The following CSMD1 variants were observed in gnomAD, a reference collection of about 807,000 sequenced individuals.
CSMD1 encodes CUB and sushi domain-containing protein 1.
CSMD1 carries 213 observed loss-of-function variants against 417.5 expected under a neutral mutation model. The observed-to-expected ratio is 0.51, with a 90% CI of 0.46 to 0.57. The LOEUF (loss-of-function observed/expected upper bound fraction) is 0.57, where lower values mean the gene tolerates loss of function less well. Among genes scored for constraint, CSMD1 ranks in the 20% least tolerant of loss-of-function variants. The pLI, the probability that CSMD1 is intolerant of heterozygous loss-of-function variation, is 0.00. For missense variants in CSMD1, 6,923 were observed against 4,529.7 expected (o/e 1.53, Z -15.17); for synonymous variants, 2,862 against 1,736.8 (o/e 1.65, Z -16.11).
intron 3 of CSMD1, among the ~76,000 whole-genome samples, chr8:4,181,130 G>A (rs924912825): frequency 1.3e-5 from 2 of 152,114 alleles, no homozygotes; most frequent in East Asian, 1.9e-4. Context: ...CAAGTGCTGC[G>A]AAACAGCCAT....
chr8:3,994,651 T>C (rs779698493), intron 5 of CSMD1, among the ~76,000 whole-genome samples: 1 of 152,064 alleles, frequency 6.6e-6, no homozygotes, highest in East Asian at 1.9e-4. Context: ...TCAACTAATG[T>C]ACCTATAGCC....
intron 5 of CSMD1, among the ~76,000 whole-genome samples, chr8:3,830,420 T>A (rs1227490351): frequency 1.3e-5 from 2 of 152,212 alleles, no homozygotes; most frequent in African/African-American, 4.8e-5. Flanking sequence ...ATACCCAGGT[T>A]CTAATTATAC....
At chr8:3,260,862 G>C (rs909426339) in intron 26 of CSMD1, among the ~76,000 whole-genome samples, 9 of 152,160 alleles carry the variant, frequency 5.9e-5, no homozygotes, top group Admixed American at 5.9e-4. Flanking sequence ...GGAAAGACAA[G>C]CTACAGACTG....
chr8:4,719,947 C>A (rs115781478), intron 1 of CSMD1, among the ~76,000 whole-genome samples: 2,902 of 152,112 alleles, frequency 0.019, 76 homozygotes, highest in African/African-American at 0.056. Flanking sequence ...CTAATGTCAC[C>A]TCACTTTAAA....
chr8:3,931,621 C>A (rs2688271), intron 5 of CSMD1, among the ~76,000 whole-genome samples: 52,964 of 149,012 alleles, frequency 0.36, 11,133 homozygotes, highest in African/African-American at 0.43. Context: ...GAGTTAGAGA[C>A]AGAGAAAAGT....
chr8:3,659,481 C>A (rs901359889), intron 7 of CSMD1, among the ~76,000 whole-genome samples: 3 of 152,118 alleles, frequency 2.0e-5, no homozygotes, highest in East Asian at 1.9e-4. Context: ...GAAGCAGATG[C>A]GTTTCACTTA....
chr8:4,080,347 G>C (rs1031962111), intron 3 of CSMD1, among the ~76,000 whole-genome samples: 4 of 151,086 alleles, frequency 2.6e-5, no homozygotes, highest in African/African-American at 9.8e-5. Context: ...ACAAGTGAAA[G>C]GTGAAGCAAA....
At chr8:4,442,646 G>C (rs1034486861) in intron 2 of CSMD1, among the ~76,000 whole-genome samples, 2 of 152,146 alleles carry the variant, frequency 1.3e-5, no homozygotes, top group Non-Finnish European at 2.9e-5. Flanking sequence ...GGATTCCAGA[G>C]TACTTTTAAA....
chr8:4,583,474 G>C (rs997487241), intron 2 of CSMD1, among the ~76,000 whole-genome samples: 1 of 152,086 alleles, frequency 6.6e-6, no homozygotes, highest in African/African-American at 2.4e-5. Flanking sequence ...TGGGGCCTTG[G>C]AGAACCTTTA....
chr8:3,542,462 G>T (rs937212490), intron 10 of CSMD1, among the ~76,000 whole-genome samples: 2 of 152,192 alleles, frequency 1.3e-5, no homozygotes, highest in Non-Finnish European at 2.9e-5. Flanking sequence ...GACAGTCTCT[G>T]ACCTTGCTTT....
At chr8:4,443,963 C>G (rs536777798) in intron 2 of CSMD1, among the ~76,000 whole-genome samples, 1 of 152,112 alleles carries the variant, frequency 6.6e-6, no homozygotes, top group South Asian at 2.1e-4. Context: ...GATATAATTA[C>G]CTGTGATATG....
intron 1 of CSMD1, among the ~76,000 whole-genome samples, chr8:4,670,433 G>T (rs1243053290): frequency 2.0e-5 from 3 of 152,260 alleles, no homozygotes; most frequent in Non-Finnish European, 4.4e-5. Context: ...GATAGTCAAG[G>T]AGCAAACATG....
chr8:4,000,225 C>G (rs57088860), intron 4 of CSMD1, among the ~76,000 whole-genome samples: 1,585 of 140,842 alleles, frequency 0.011, 33 homozygotes, highest in African/African-American at 0.04. Context: ...CCGAATGTCT[C>G]TCCTGCCCCC....
chr8:4,863,215 C>T, intron 1 of CSMD1, among the ~76,000 whole-genome samples: 1 of 152,020 alleles, frequency 6.6e-6, no homozygotes. Context: ...TATTCATCTC[C>T]AAAATGAGGA....
intron 6 of CSMD1, among the ~76,000 whole-genome samples, chr8:3,751,994 C>T (rs1797366084): frequency 6.6e-6 from 1 of 152,060 alleles, no homozygotes; most frequent in African/African-American, 2.4e-5. Context: ...TGGACATATC[C>T]ATAGATAAGG....
At chr8:3,243,143 G>A (rs34448252) in intron 26 of CSMD1, among the ~76,000 whole-genome samples, 11,078 of 152,180 alleles carry the variant, frequency 0.073, 547 homozygotes, top group Admixed American at 0.14. Flanking sequence ...TAGTGAGGGA[G>A]GTTGGAGAAG....
In CSMD1 at chr8:4,652,882, G is replaced by T. The variant is rs991949073; in HGVS notation, c.86-15324C>A. Among the ~76,000 whole-genome samples, 22 of 151,532 alleles carry T rather than the reference G, an allele frequency of 1.5e-4. 2 individuals carry two copies. Among genetic ancestry groups the T allele is most frequent in the Admixed American group, 1.4e-3 (22 of 15,270 alleles). On this transcript the variant is annotated intron_variant, in intron 1 of 69. Coordinates refer to ENST00000635120, the MANE Select transcript of CSMD1 (RefSeq NM_033225.6). Reference sequence around the variant, plus strand: ...CGTTCACAATAGGGTTCATGCTCCTGTAAGAATCTAACGCCGCTGCTGATG... The same window carrying T: ...CGTTCACAATAGGGTTCATGCTCCTTTAAGAATCTAACGCCGCTGCTGATG...
intron 50 of CSMD1, among the ~76,000 whole-genome samples, chr8:3,047,655 C>A (rs7460441): frequency 6.6e-6 from 1 of 152,092 alleles, no homozygotes; most frequent in East Asian, 1.9e-4. Flanking sequence ...CCTTCCTTTA[C>A]CCCCAACCAA....
At chr8:4,269,749 C>A (rs1405666328) in intron 3 of CSMD1, among the ~76,000 whole-genome samples, 1 of 152,182 alleles carries the variant, frequency 6.6e-6, no homozygotes, top group African/African-American at 2.4e-5. Flanking sequence ...ACTTAAAACA[C>A]TGCAAAATTA....
Sources: gnomAD v4.1 joint callset for allele counts (sites outside exome capture counted in the v4.1 genomes callset) on GRCh38, gnomAD v4.1.1 for gene constraint, MANE v1.5 for transcripts, NCBI Gene and HGNC (gene_info 2026-07-23, HGNC 2026-07-21) for gene names.